Variants in RAB40B observed in about 807,000 individuals in gnomAD.
RAB40B encodes ras-related protein Rab-40B.
RAB40B carries 21 observed loss-of-function variants against 24.0 expected under a neutral mutation model. The ratio of observed to expected loss-of-function variants is 0.88; its 90% CI spans 0.62 to 1.26. The LOEUF is 1.26. RAB40B is among the 50% of genes most tolerant of loss of function. The pLI is 0.00. For synonymous variants in RAB40B, 167 were observed against 169.8 expected (o/e 0.98, Z 0.13); for missense variants, 348 against 390.5 (o/e 0.89, Z 0.92).
intron 1 of RAB40B, among the ~76,000 whole-genome samples, chr17:82,682,857 G>A (rs971864811): frequency 3.3e-5 from 5 of 152,066 alleles, no homozygotes; most frequent in Non-Finnish European, 2.9e-5. Context: ...ATTAAAAAAC[G>A]AACCCGGCCG....
intron 1 of RAB40B, among the ~76,000 whole-genome samples, chr17:82,686,104 C>CTTTTTT (rs35256137): frequency 8.1e-6 from 1 of 123,422 alleles, no homozygotes; most frequent in Non-Finnish European, 1.7e-5. Context: ...ACCCAGCCTT[C>CTTTTTT]TTTTTTTTTT....
chr17:82,676,752 C>T (rs2046398649), intron 1 of RAB40B, among the ~76,000 whole-genome samples: 1 of 152,012 alleles, frequency 6.6e-6, no homozygotes, highest in Admixed American at 6.6e-5. Flanking sequence ...CTCAGCCTCT[C>T]CAGCAGTTGG....
rs76988187 is a variant in RAB40B, at chr17:82,674,748, C to T, written c.143-10192G>A. ...CTTGTCACCTGCGTCACTCTGGCAT[C>T]GCAGGCAACGTTCGTATGGTTTGGA... On this transcript the variant is annotated intron_variant, in intron 1 of 5. Coordinates refer to ENST00000571995, the MANE Select transcript of RAB40B (RefSeq NM_006822.3). Among the ~76,000 whole-genome samples, 153 of 152,194 alleles carry T rather than the reference C, an allele frequency of 1.0e-3. 4 individuals are homozygous for T. The East Asian group carries it at 0.027, about 27-fold the overall frequency.
At position 82,687,926 on chromosome 17, in the gene RAB40B, G is replaced by A. The variant is rs114084216; in HGVS notation, c.142+10529C>T. 3.6e-3 allele frequency among the ~76,000 whole-genome samples: 554 copies of A among 152,222 alleles called. 4 individuals carry two copies. The highest frequency in any genetic ancestry group is 0.012 in the African/African-American group (515 of 41,532). ...CTCTCTACTAAAAATAAAATAATTAGCCGGGCATGGTGGCATGCACCTATA... is the reference window on the plus strand; with the variant it reads ...CTCTCTACTAAAAATAAAATAATTAACCGGGCATGGTGGCATGCACCTATA... On this transcript the variant is annotated intron_variant, in intron 1 of 5. Transcript: ENST00000571995.
intron 1 of RAB40B, among the ~76,000 whole-genome samples, chr17:82,688,452 A>C (rs1339714206): frequency 1.3e-5 from 2 of 151,178 alleles, no homozygotes; most frequent in Non-Finnish European, 2.9e-5. Context: ...ATCTCTATTA[A>C]AAATACCAAA....
At chr17:82,659,485 G>T (rs982411895) in intron 4 of RAB40B, 95 bp downstream of exon 4, 7 of 1,255,278 alleles carry the variant, frequency 5.6e-6, no homozygotes, top group African/African-American at 1.5e-5. Context: ...TGATCCATGG[G>T]TACCCATGAG....
intron 3 of RAB40B, 73 bp downstream of exon 3, chr17:82,660,914 T>C: frequency 6.6e-7 from 1 of 1,526,046 alleles, no homozygotes; most frequent in Non-Finnish European, 9.0e-7. Flanking sequence ...CATTAAAGGA[T>C]GGTAAGTTAA....
chr17:82,655,012 A>C lies in RAB40B; in HGVS notation c.*2851T>G, dbSNP rs1598288830. 6.6e-6 allele frequency: 1 copy of C among 152,160 alleles called. No homozygotes were observed. Among genetic ancestry groups the C allele is most frequent in the East Asian group, 1.9e-4 (1 of 5,182 alleles). The allele number at this position is 152,160 out of a possible 1,614,324, so 9.4% of individuals were successfully genotyped here. ...TATTTATGTTTTTTGTATATTCACC[A>C]CCCAAACACACAGTCTTCTACTTAG... On this transcript the variant is annotated 3_prime_UTR_variant, in exon 6 of 6. Transcript: ENST00000571995.
intron 2 of RAB40B, chr17:82,662,081 C>T (rs1165229139): frequency 8.1e-6 from 8 of 985,278 alleles, no homozygotes; most frequent in Admixed American, 6.1e-5. Flanking sequence ...GAGACACAAC[C>T]TCACGGATGA....
intron 1 of RAB40B, among the ~76,000 whole-genome samples, chr17:82,686,051 C>G (rs1306209101): frequency 6.6e-6 from 1 of 151,236 alleles, no homozygotes; most frequent in African/African-American, 2.4e-5. Flanking sequence ...ATCTGCCCGC[C>G]TTGGCCTCCC....
intron 2 of RAB40B, chr17:82,662,327 T>C (rs2046184290): frequency 1.0e-6 from 1 of 985,436 alleles, no homozygotes; most frequent in Non-Finnish European, 1.2e-6. Flanking sequence ...CCAAAAGCTA[T>C]GGTCGAGGAG....
intron 1 of RAB40B, among the ~76,000 whole-genome samples, chr17:82,665,165 T>G (rs1446305317): frequency 6.6e-6 from 1 of 152,100 alleles, no homozygotes; most frequent in Admixed American, 6.5e-5. Flanking sequence ...GGGGTGCAGA[T>G]TACAGGTAGG....
intron 1 of RAB40B, 91 bp downstream of exon 1, chr17:82,698,364 G>C: frequency 2.8e-6 from 2 of 721,316 alleles, no homozygotes; most frequent in Non-Finnish European, 3.6e-6. Flanking sequence ...CGCGTCCCCG[G>C]ACCCGGACCC....
rs76819354 is a variant in RAB40B, at chr17:82,666,654, G to A, written c.143-2098C>T. 4.0e-3 allele frequency among the ~76,000 whole-genome samples: 609 copies of A among 150,932 alleles called. 9 individuals carry two copies. The highest frequency in any genetic ancestry group is 0.014 in the African/African-American group (587 of 41,176). Reference sequence around the variant, plus strand: ...TCCTGTGTTCACTTCTAGCGCTTCCGGATGAGCACCAGGTCTGTCATTGAG... The same window carrying A: ...TCCTGTGTTCACTTCTAGCGCTTCCAGATGAGCACCAGGTCTGTCATTGAG... On this transcript the variant is annotated intron_variant, in intron 1 of 5. Coordinates refer to ENST00000571995, the MANE Select transcript of RAB40B (RefSeq NM_006822.3).
intron 5 of RAB40B, 121 bp from the exon 6 acceptor site, chr17:82,658,255 G>T: frequency 1.5e-6 from 2 of 1,370,028 alleles, no homozygotes; most frequent in Non-Finnish European, 9.9e-7. Context: ...GCCCTGGCTT[G>T]TACATGCAGC....
chr17:82,657,996 A>G lies in RAB40B; in HGVS notation c.704T>C (p.Met235Thr). 6.2e-7 allele frequency: 1 copy of G among 1,614,178 alleles called. No individual in the cohort carries two copies. The highest frequency in any genetic ancestry group is 8.5e-7 in the Non-Finnish European group (1 of 1,180,040). Residue 235 changes from methionine to threonine, a missense_variant, in exon 6 of 6, where the codon ATG (methionine) becomes ACG (threonine). By Grantham distance (81) the Met-to-Thr change is moderately conservative. This residue lies in a region of RAB40B where 121 missense variants were observed against 124.0 expected (regional missense o/e 0.98). Transcript: ENST00000571995. Reference sequence around the variant, plus strand: ...GAGGGAGTAGGAACCGCCGTGCATCATCCTGGCATTCAGGCCGTTGGCCAT... The same window carrying G: ...GAGGGAGTAGGAACCGCCGTGCATCGTCCTGGCATTCAGGCCGTTGGCCAT... ...FSMANGLNAR[M>T]MHGGSYSLTT...
chr17:82,672,294 C>A (rs2046348854), intron 1 of RAB40B, among the ~76,000 whole-genome samples: 1 of 88,796 alleles, frequency 1.1e-5, no homozygotes, highest in Non-Finnish European at 2.7e-5. Flanking sequence ...CACACAAACT[C>A]ACACGCTCCC....
chr17:82,664,657 T>A (rs2046231726), intron 1 of RAB40B, 101 bp from the exon 2 acceptor site: 1 of 1,180,570 alleles, frequency 8.5e-7, no homozygotes, highest in East Asian at 2.4e-5. Flanking sequence ...CAGTGCAACT[T>A]CCAGGTTTAC....
chr17:82,666,901 C>T (rs928254722), intron 1 of RAB40B, among the ~76,000 whole-genome samples: 4 of 152,224 alleles, frequency 2.6e-5, no homozygotes, highest in Non-Finnish European at 4.4e-5. Flanking sequence ...AAGCCCTGGC[C>T]TCACTCTCGG....
Sources: gnomAD v4.1 joint callset for allele counts (sites outside exome capture counted in the v4.1 genomes callset) on GRCh38, gnomAD v4.1.1 for gene constraint, gnomAD v4.1.1 regional missense constraint, MANE v1.5 for transcripts, NCBI Gene and HGNC (gene_info 2026-07-23, HGNC 2026-07-21) for gene names.